TACC2: variants seen among roughly 807,000 people sequenced by gnomAD.
TACC2 encodes transforming acidic coiled-coil-containing protein 2.
TACC2 carries 137 observed loss-of-function variants against 227.3 expected under a neutral mutation model. The observed-to-expected ratio is 0.60, with a 90% CI of 0.52 to 0.69. TACC2 has a LOEUF of 0.69. TACC2 is among the 30% of genes least tolerant of loss of function. The probability of loss-of-function intolerance (pLI) is 0.00; values close to 1 mark genes in which losing one functional copy is unlikely to be tolerated. For missense variants in TACC2, 3,470 were observed against 3,694.4 expected (o/e 0.94, Z 1.57); for synonymous variants, 1,523 against 1,487.5 (o/e 1.02, Z -0.55).
rs567861734 is a variant in TACC2 at position 122,090,407 on chromosome 10, T to C, written c.5573+1816T>C. Among the ~76,000 whole-genome samples, 8 of 150,102 alleles carry C rather than the reference T, an allele frequency of 5.3e-5. No homozygotes were observed. In the South Asian group the frequency reaches 1.3e-3, roughly 24 times the overall value. On this transcript the variant is annotated intron_variant, in intron 5 of 22. Transcript: ENST00000369005. ...TAAAAAATACAAAAAATTAGCTGGG[T>C]GTGGTGGCGGGCGCCTGTAGTCCCA... is the stretch of plus-strand genomic sequence containing the variant.
chr10:122,089,053 AG>A (rs2080417154), intron 5 of TACC2, among the ~76,000 whole-genome samples: 1 of 152,192 alleles, frequency 6.6e-6, no homozygotes, highest in Admixed American at 6.5e-5. Flanking sequence ...CAGGAGGTGA[AG>A]GTTGCAGTGA....
chr10:122,087,099 G>T lies in TACC2; in HGVS notation c.4599G>T (p.Gly1533=). The change falls in exon 4 of 23, where the codon GGG becomes GGT. Residue 1533 remains glycine, a synonymous_variant. Coordinates refer to ENST00000369005, the MANE Select transcript of TACC2 (RefSeq NM_206862.4). ...PTLREDERPE[G]PGAAWPGLEG... ...TGAGGGAAGACGAGAGGCCAGAGGG[G>T]CCTGGGGCAGCCTGGCCAGGCCTGG... 1 of 1,609,974 alleles carries T rather than the reference G, an allele frequency of 6.2e-7. No individual in the cohort carries two copies. Among genetic ancestry groups the T allele is most frequent in the Non-Finnish European group, 8.5e-7 (1 of 1,178,474 alleles).
At chr10:122,042,958 C>T (rs1179808887) in intron 2 of TACC2, among the ~76,000 whole-genome samples, 1 of 152,144 alleles carries the variant, frequency 6.6e-6, no homozygotes. Flanking sequence ...TCCTGACATG[C>T]CCAGCTCTTT....
At chr10:122,201,603 A>G (rs1344025458) in intron 8 of TACC2, among the ~76,000 whole-genome samples, 1 of 152,166 alleles carries the variant, frequency 6.6e-6, no homozygotes, top group Non-Finnish European at 1.5e-5. Flanking sequence ...ACGCACATTC[A>G]CTTCCCGTAA....
intron 7 of TACC2, among the ~76,000 whole-genome samples, chr10:122,185,168 T>C (rs2094139685): frequency 6.6e-6 from 1 of 150,724 alleles, no homozygotes; most frequent in South Asian, 2.1e-4. Context: ...GCCTGGCCTA[T>C]CACATACTCT....
At chr10:122,033,178 A>C in intron 2 of TACC2, 1 of 1,284,406 alleles carries the variant, frequency 7.8e-7, no homozygotes, top group Non-Finnish European at 1.0e-6. Context: ...GCTGTTCTGC[A>C]TGGCTTCCCT....
rs924156179 is a variant in TACC2 at position 122,209,481 on chromosome 10, C to T, written c.5972-916C>T. Among the ~76,000 whole-genome samples, 3 of 152,174 alleles carry T rather than the reference C, an allele frequency of 2.0e-5. No individual in the cohort carries two copies. ...TCTGTAACGCACCAGGTGCTCCTGC[C>T]GCAGAGCCTTTACTCGCACTATTCC... On this transcript the variant is annotated intron_variant, in intron 8 of 22. Transcript: ENST00000369005. The surrounding 1 kb of genome is among the most constrained non-coding windows in gnomAD (Gnocchi z 4.5).
intron 13 of TACC2, 103 bp downstream of exon 13, chr10:122,226,584 A>G: frequency 1.3e-6 from 1 of 798,712 alleles, no homozygotes; most frequent in Non-Finnish European, 2.0e-6. Flanking sequence ...GCATAGATTC[A>G]GGCGGCTGAC....
At chr10:121,995,635 G>T (rs1207707922) in intron 1 of TACC2, among the ~76,000 whole-genome samples, 1 of 152,206 alleles carries the variant, frequency 6.6e-6, no homozygotes, top group African/African-American at 2.4e-5. Context: ...GTACAGGCTT[G>T]GCACTAGCAC....
chr10:122,200,869 G>A (rs2094793125), intron 8 of TACC2, among the ~76,000 whole-genome samples: 1 of 149,086 alleles, frequency 6.7e-6, no homozygotes, highest in South Asian at 2.1e-4. Context: ...CCTGCCCACA[G>A]TGGCCACATC....
intron 7 of TACC2, among the ~76,000 whole-genome samples, chr10:122,175,747 G>C (rs2093665288): frequency 6.6e-6 from 1 of 152,258 alleles, no homozygotes; most frequent in South Asian, 2.1e-4. Context: ...TCACTATCCA[G>C]AGATAATATT....
intron 8 of TACC2, among the ~76,000 whole-genome samples, chr10:122,203,903 C>T (rs2094993423): frequency 1.3e-5 from 2 of 152,064 alleles, no homozygotes; most frequent in Admixed American, 1.3e-4. Context: ...CGTCTGCAAT[C>T]CCGGCACCTC....
intron 2 of TACC2, among the ~76,000 whole-genome samples, chr10:122,034,564 G>T (rs1167022061): frequency 6.6e-6 from 1 of 152,156 alleles, no homozygotes; most frequent in African/African-American, 2.4e-5. Flanking sequence ...GGAGAATCCA[G>T]TTCCCTGCAC....
chr10:122,056,455 G>T (rs1365839909), intron 3 of TACC2, among the ~76,000 whole-genome samples: 1 of 152,214 alleles, frequency 6.6e-6, no homozygotes, highest in Non-Finnish European at 1.5e-5. Context: ...GATTACAGGC[G>T]TGAGCCACTG....
At chr10:122,072,497 G>A (rs2078196033) in intron 3 of TACC2, among the ~76,000 whole-genome samples, 1 of 152,328 alleles carries the variant, frequency 6.6e-6, no homozygotes. Flanking sequence ...AGTGGACACA[G>A]TGTGCTAGGG....
intron 18 of TACC2, among the ~76,000 whole-genome samples, chr10:122,239,048 G>C (rs1238203550): frequency 6.6e-6 from 1 of 152,054 alleles, no homozygotes; most frequent in African/African-American, 2.4e-5. Context: ...TTGTTGCCCA[G>C]GCTGGAGTGC....
intron 5 of TACC2, among the ~76,000 whole-genome samples, chr10:122,098,082 G>A (rs1472509987): frequency 6.6e-6 from 1 of 152,168 alleles, no homozygotes; most frequent in Non-Finnish European, 1.5e-5. Flanking sequence ...AGTGACAGAT[G>A]TGGTTTGTTG....
At chr10:122,208,864 G>A (rs544003816) in intron 8 of TACC2, among the ~76,000 whole-genome samples, 66 of 152,282 alleles carry the variant, frequency 4.3e-4, no homozygotes, top group Admixed American at 7.2e-4. Context: ...CCGCTTTATC[G>A]TGTTTGCCCT....
In TACC2 at chr10:122,241,988, C is replaced by A; in HGVS notation, c.8379C>A (p.Ile2793=). Residue 2793 remains isoleucine, a synonymous_variant, in exon 19 of 23, where the codon ATC becomes ATA. Coordinates refer to ENST00000369005, the MANE Select transcript of TACC2 (RefSeq NM_206862.4). The part of the protein sequence containing the change: ...RKIVAEYEKT[I]AQMIEDEQRE... ...TAGTGGCCGAGTATGAGAAGACCAT[C>A]GCTCAGATGATAGGTAGGTGTCCTG... 1 of 1,614,192 alleles carries A rather than the reference C, an allele frequency of 6.2e-7. No homozygotes were observed. Among genetic ancestry groups the A allele is most frequent in the Non-Finnish European group, 8.5e-7 (1 of 1,180,002 alleles).
Sources: allele counts gnomAD v4.1 joint callset (sites outside exome capture counted in the v4.1 genomes callset), GRCh38; gene constraint gnomAD v4.1.1; non-coding constraint Gnocchi (gnomAD v3.1); transcripts MANE v1.5; gene names NCBI Gene and HGNC (gene_info 2026-07-23, HGNC 2026-07-21).